The following CCDC18 variants were observed in gnomAD, a reference collection of about 807,000 sequenced individuals.
CCDC18 encodes the protein coiled-coil domain containing 18.
A neutral mutation model predicts 196.0 loss-of-function variants in CCDC18; 157 were observed. That is an observed-to-expected ratio of 0.80 (90% CI 0.70 to 0.91). The LOEUF (loss-of-function observed/expected upper bound fraction) is 0.91. CCDC18 is among the 40% of genes least tolerant of loss of function. The probability of loss-of-function intolerance (pLI) is 0.00; values close to 1 mark genes in which losing one functional copy is unlikely to be tolerated. For missense variants in CCDC18, 1,465 were observed against 1,611.6 expected (o/e 0.91, Z 1.56); for synonymous variants, 482 against 529.2 (o/e 0.91, Z 1.22).
intron 26 of CCDC18, among the ~76,000 whole-genome samples, chr1:93,260,903 A>ATGAT (rs1276312995): frequency 1.3e-5 from 2 of 152,216 alleles, no homozygotes; most frequent in African/African-American, 4.8e-5. Flanking sequence ...TTTGCTGAGA[A>ATGAT]TGATGGTTTC....
chr1:93,242,285 A>C (rs1436394565), intron 21 of CCDC18, among the ~76,000 whole-genome samples: 4 of 152,114 alleles, frequency 2.6e-5, no homozygotes, highest in Non-Finnish European at 5.9e-5. Flanking sequence ...GGGAGGCCTC[A>C]CAATCATGGT....
intron 14 of CCDC18, among the ~76,000 whole-genome samples, chr1:93,219,988 G>T (rs1234566966): frequency 6.6e-6 from 1 of 152,106 alleles, no homozygotes; most frequent in Non-Finnish European, 1.5e-5. Context: ...AATGAGATTA[G>T]TGCAGGAAAA....
At chr1:93,197,112 T>C (rs1310001275) in intron 6 of CCDC18, among the ~76,000 whole-genome samples, 1 of 151,942 alleles carries the variant, frequency 6.6e-6, no homozygotes, top group Non-Finnish European at 1.5e-5. Context: ...TATTGTGTGG[T>C]CAGGAAAAGG....
intron 8 of CCDC18, 105 bp downstream of exon 8, chr1:93,205,736 A>G (rs1654611059): frequency 1.9e-6 from 2 of 1,042,020 alleles, no homozygotes; most frequent in Non-Finnish European, 2.8e-6. Flanking sequence ...CTTACATTAT[A>G]TAGAAGGATA....
intron 27 of CCDC18, among the ~76,000 whole-genome samples, chr1:93,268,763 A>AAGTC (rs1164856530): frequency 6.6e-6 from 1 of 151,992 alleles, no homozygotes; most frequent in African/African-American, 2.4e-5. Context: ...GATCATTAAA[A>AAGTC]AGTCAGGAAA....
chr1:93,216,590 ATTACC>A, intron 12 of CCDC18, 41 bp from the exon 13 acceptor site: 1 of 1,003,204 alleles, frequency 1.0e-6, no homozygotes, highest in Non-Finnish European at 1.5e-6. Flanking sequence ...ATGCAAAATC[ATTACC>A]TTTAAAAAAT....
At chr1:93,225,740 GCACTACAGCCTGGGCTA>G (rs1040036581) in intron 16 of CCDC18, among the ~76,000 whole-genome samples, 2 of 150,242 alleles carry the variant, frequency 1.3e-5, no homozygotes, top group Non-Finnish European at 2.9e-5. Flanking sequence ...TCGCACCACT[GCACTACAGCCTGGGCTA>G]CACAGCAAGA....
At position 93,210,800 on chromosome 1, in the gene CCDC18, A is replaced by C. The variant is rs775373371; in HGVS notation, c.1210-2A>C. The C allele has an allele frequency of 1.3e-6, 2 of 1,583,062 alleles. No homozygotes were observed. Among genetic ancestry groups the C allele is most frequent in the Non-Finnish European group, 1.7e-6 (2 of 1,153,782 alleles). On this transcript the variant is annotated splice_acceptor_variant, in intron 9 of 28. Coordinates refer to ENST00000690025, the MANE Select transcript of CCDC18 (RefSeq NM_001378204.1). LOFTEE classifies it high-confidence loss of function. ...TACATATGTTTGTTTTTAAACTTGC[A>C]GTTAAAAAGAGAATTATTTGGCTTT...
chr1:93,220,660 G>T (rs1414058001), intron 14 of CCDC18, among the ~76,000 whole-genome samples: 1 of 152,116 alleles, frequency 6.6e-6, no homozygotes, highest in Non-Finnish European at 1.5e-5. Flanking sequence ...TACACGTACA[G>T]GAGGTGCAGA....
At position 93,207,215 on chromosome 1, in the gene CCDC18, G is replaced by T; in HGVS notation, c.1026G>T (p.Lys342Asn). The change falls in exon 9 of 29, where the codon AAG (lysine) becomes AAT (asparagine). Residue 342 changes from lysine (K) to asparagine (N), a missense_variant. Transcript: ENST00000690025. ...QLTESRQSIL[K>N]LESELENKDE... ...CTGAATCTAGACAAAGTATTTTGAA[G>T]CTAGAGAGTGAGTTAGAGAACAAAG... The T allele has an allele frequency of 6.2e-7, 1 of 1,612,998 alleles. No individual in the cohort carries two copies. Among genetic ancestry groups the T allele is most frequent in the Non-Finnish European group, 8.5e-7 (1 of 1,179,154 alleles).
At chr1:93,258,422 GC>G (rs1354220295) in intron 25 of CCDC18, among the ~76,000 whole-genome samples, 1 of 152,072 alleles carries the variant, frequency 6.6e-6, no homozygotes, top group Non-Finnish European at 1.5e-5. Context: ...TATATAGTGA[GC>G]AAAAATATAC....
At chr1:93,249,146 G>C (rs1175366595) in intron 23 of CCDC18, among the ~76,000 whole-genome samples, 1 of 152,118 alleles carries the variant, frequency 6.6e-6, no homozygotes, top group East Asian at 1.9e-4. Context: ...CTCATTACTT[G>C]TTATTGTTCT....
At chr1:93,244,845 C>A (rs866250759) in intron 21 of CCDC18, among the ~76,000 whole-genome samples, 29 of 152,298 alleles carry the variant, frequency 1.9e-4, no homozygotes, top group African/African-American at 6.5e-4. Flanking sequence ...AAGTTTTCTT[C>A]TACCATGGAA....
At chr1:93,244,287 C>G (rs1438916160) in intron 21 of CCDC18, among the ~76,000 whole-genome samples, 2 of 152,160 alleles carry the variant, frequency 1.3e-5, no homozygotes, top group Non-Finnish European at 2.9e-5. Context: ...TCAATTACCT[C>G]CCACTGGGTT....
rs1343282137 is a variant in CCDC18, at chr1:93,197,838, A to G, written c.699-4054A>G. ...GCGATCTCGGCTCACTGCAAGCTCC[A>G]CCTCCTGGGTTCATGCCATTCTCTT... On this transcript the variant is annotated intron_variant, in intron 6 of 28. Transcript: ENST00000690025. Among the ~76,000 whole-genome samples the G allele has an allele frequency of 5.5e-5, 7 of 127,674 alleles. 1 individual carries two copies. The East Asian group carries it at 9.7e-4, about 18-fold the overall frequency. The allele number at this position is 127,674 out of a possible 152,430, so 83.8% of individuals were successfully genotyped here. A position where few individuals can be genotyped will look rare whatever the true frequency, so the allele number is the denominator to read the frequency against.
intron 23 of CCDC18, among the ~76,000 whole-genome samples, chr1:93,250,794 A>C (rs1662136797): frequency 6.6e-6 from 1 of 151,878 alleles, no homozygotes; most frequent in African/African-American, 2.4e-5. Context: ...TATACTTTTG[A>C]TTTCCATTTG....
rs761024771 is a variant in CCDC18, at chr1:93,258,827, C to G, written c.3626C>G (p.Ala1209Gly). The G allele has an allele frequency of 6.3e-6, 10 of 1,599,986 alleles. No homozygotes were observed. The African/African-American group carries it at 1.3e-4, about 22-fold the overall frequency. ...REAHLEARMQ[A>G]EIKKLSAEVE... Reference sequence around the variant, plus strand: ...GCTCATTTAGAAGCAAGAATGCAAGCAGAAATCAAGAAATTGTCAGCAGAA... The same window carrying G: ...GCTCATTTAGAAGCAAGAATGCAAGGAGAAATCAAGAAATTGTCAGCAGAA... Residue 1209 changes from alanine (A) to glycine (G), a missense_variant, in exon 26 of 29, where the codon GCA becomes GGA. Physicochemically the swap from Ala to Gly is moderately conservative, Grantham distance 60 (BLOSUM62 0). Coordinates refer to ENST00000690025, the MANE Select transcript of CCDC18 (RefSeq NM_001378204.1).
At chr1:93,206,823 T>C (rs1654787560) in intron 8 of CCDC18, among the ~76,000 whole-genome samples, 1 of 152,166 alleles carries the variant, frequency 6.6e-6, no homozygotes, top group South Asian at 2.1e-4. Flanking sequence ...GAAATGCTTT[T>C]AAGACAGTAG....
rs35050498 is a variant in CCDC18, at chr1:93,205,954, T to TA, written c.917+331dup. Among the ~76,000 whole-genome samples, 145 of 151,964 alleles carry TA rather than the reference T, an allele frequency of 9.5e-4. 1 individual carries two copies. The highest frequency in any genetic ancestry group is 7.1e-3 in the South Asian group (34 of 4,808). The stretch of plus-strand genomic sequence containing the variant: ...AAAATGTGTATAATATCCGATGTTC[T>TA]AAAAAAAAGTGTTTTTCAAATCATA... On this transcript the variant is annotated intron_variant, in intron 8 of 28. Coordinates refer to ENST00000690025, the MANE Select transcript of CCDC18 (RefSeq NM_001378204.1).
Sources: gnomAD v4.1 joint callset for allele counts (sites outside exome capture counted in the v4.1 genomes callset) on GRCh38, gnomAD v4.1.1 for gene constraint, MANE v1.5 for transcripts, NCBI Gene and HGNC (gene_info 2026-07-23, HGNC 2026-07-21) for gene names.